KMT2C: variants seen among roughly 807,000 people sequenced by gnomAD.
The protein encoded by KMT2C is lysine methyltransferase 2C, also known as histone-lysine N-methyltransferase 2C.
Under a neutral mutation model 507.9 loss-of-function variants are expected in KMT2C, and 88 were observed. The ratio of observed to expected loss-of-function variants is 0.17; its 90% CI spans 0.15 to 0.21. KMT2C has a LOEUF of 0.21. Ranked by LOEUF, KMT2C falls within the 10% of genes least tolerant of loss-of-function variation. The pLI is 1.00. For synonymous variants in KMT2C, 2,049 were observed against 2,080.8 expected (o/e 0.98, Z 0.42); for missense variants, 4,954 against 5,957.8 (o/e 0.83, Z 5.55).
chr7:152,161,391 T>C (rs1469370511), intron 43 of KMT2C, among the ~76,000 whole-genome samples: 3 of 152,314 alleles, frequency 2.0e-5, no homozygotes, highest in East Asian at 3.9e-4. Flanking sequence ...GCTTTATGAA[T>C]GCACTGGTAA....
chr7:152,259,798 G>A (rs1278442076), intron 9 of KMT2C, among the ~76,000 whole-genome samples: 1 of 152,192 alleles, frequency 6.6e-6, no homozygotes, highest in African/African-American at 2.4e-5. Flanking sequence ...ACACTGATTT[G>A]TCCCAACATC....
chr7:152,336,191 T>C (rs936673802), intron 2 of KMT2C, among the ~76,000 whole-genome samples: 21 of 152,184 alleles, frequency 1.4e-4, no homozygotes, highest in Admixed American at 3.9e-4. Flanking sequence ...CAGTAATTCC[T>C]GCCACAAAAT....
intron 41 of KMT2C, 124 bp from the exon 42 acceptor site, chr7:152,167,502 A>G: frequency 3.2e-6 from 2 of 620,700 alleles, no homozygotes; most frequent in Non-Finnish European, 5.6e-6. Context: ...TTGAAAACAC[A>G]ATACTAAATA....
intron 1 of KMT2C, among the ~76,000 whole-genome samples, chr7:152,413,135 G>A (rs77462980): frequency 6.6e-6 from 1 of 151,530 alleles, no homozygotes; most frequent in Non-Finnish European, 1.5e-5. Flanking sequence ...TTCTTTTTTC[G>A]GAGACAGGGT....
intron 3 of KMT2C, among the ~76,000 whole-genome samples, chr7:152,328,284 G>A (rs747858874): frequency 3.9e-5 from 6 of 152,188 alleles, no homozygotes; most frequent in Non-Finnish European, 8.8e-5. Context: ...GTGTTCTTTC[G>A]TTGATTCACA....
At chr7:152,183,264 A>G (rs2093493071) in intron 34 of KMT2C, 108 bp from the exon 35 acceptor site, 3 of 829,116 alleles carry the variant, frequency 3.6e-6, no homozygotes, top group South Asian at 2.0e-5. Flanking sequence ...AAGTCAGGTA[A>G]AATAGCTGAA....
At chr7:152,289,334 A>T (rs1403113332) in intron 6 of KMT2C, among the ~76,000 whole-genome samples, 1 of 152,222 alleles carries the variant, frequency 6.6e-6, no homozygotes, top group Non-Finnish European at 1.5e-5. Flanking sequence ...TATCATTGAG[A>T]ATATCACTGA....
chr7:152,242,312 C>T (rs1025453849), intron 14 of KMT2C, among the ~76,000 whole-genome samples: 4 of 152,102 alleles, frequency 2.6e-5, no homozygotes, highest in South Asian at 2.1e-4. Context: ...CATCAATAAA[C>T]AATGAACTAT....
intron 20 of KMT2C, among the ~76,000 whole-genome samples, chr7:152,223,518 GCA>G (rs2094837705): frequency 6.6e-6 from 1 of 152,096 alleles, no homozygotes; most frequent in African/African-American, 2.4e-5. Flanking sequence ...TCTTGGGCGG[GCA>G]CAGTGGCTCA....
intron 1 of KMT2C, among the ~76,000 whole-genome samples, chr7:152,364,105 T>A (rs947165772): frequency 1.3e-5 from 2 of 152,140 alleles, no homozygotes; most frequent in African/African-American, 4.8e-5. Context: ...TCTCAACTTA[T>A]CCTGAGAGTG....
intron 14 of KMT2C, among the ~76,000 whole-genome samples, chr7:152,246,010 GA>G (rs1342931408): frequency 6.6e-6 from 1 of 152,120 alleles, no homozygotes; most frequent in African/African-American, 2.4e-5. Context: ...GTATAATACA[GA>G]AATGCCTAAT....
intron 9 of KMT2C, among the ~76,000 whole-genome samples, chr7:152,258,273 A>G (rs1164753379): frequency 6.6e-6 from 1 of 152,196 alleles, no homozygotes; most frequent in Non-Finnish European, 1.5e-5. Context: ...CAAGTATGGG[A>G]CTATTTCAGC....
chr7:152,299,868 C>G (rs1744519119), intron 6 of KMT2C, among the ~76,000 whole-genome samples: 1 of 151,892 alleles, frequency 6.6e-6, no homozygotes, highest in African/African-American at 2.4e-5. Context: ...TACAAAGATG[C>G]AAACAGGTTA....
At chr7:152,204,612 T>C (rs1193408698) in intron 25 of KMT2C, among the ~76,000 whole-genome samples, 3 of 150,110 alleles carry the variant, frequency 2.0e-5, no homozygotes, top group South Asian at 2.2e-4. Flanking sequence ...GATAGATAGA[T>C]AGATAGATAG....
At chr7:152,395,636 T>C (rs1303305302) in intron 1 of KMT2C, among the ~76,000 whole-genome samples, 1 of 152,130 alleles carries the variant, frequency 6.6e-6, no homozygotes. Flanking sequence ...GCCTCCTGAG[T>C]AGCTGGGATT....
At chr7:152,389,352 C>CTAA (rs2097467574) in intron 1 of KMT2C, among the ~76,000 whole-genome samples, 1 of 77,676 alleles carries the variant, frequency 1.3e-5, no homozygotes, top group African/African-American at 4.2e-5. Flanking sequence ...GACTCCGTCT[C>CTAA]AAAAAAAAAA....
At chr7:152,259,671 T>C (rs1443687827) in intron 9 of KMT2C, among the ~76,000 whole-genome samples, 2 of 152,050 alleles carry the variant, frequency 1.3e-5, no homozygotes, top group African/African-American at 4.8e-5. Flanking sequence ...GAGATAAAAA[T>C]AGGAAAAAGA....
At chr7:152,287,562 A>T (rs2096324522) in intron 6 of KMT2C, among the ~76,000 whole-genome samples, 1 of 152,198 alleles carries the variant, frequency 6.6e-6, no homozygotes, top group Non-Finnish European at 1.5e-5. Flanking sequence ...TTCATAACAC[A>T]ACACTTAAAA....
At chr7:152,223,569 G>A (rs1286973005) in intron 20 of KMT2C, among the ~76,000 whole-genome samples, 3 of 151,948 alleles carry the variant, frequency 2.0e-5, no homozygotes, top group Non-Finnish European at 1.5e-5. Flanking sequence ...TGAGGCGGGC[G>A]GTCAAAAGAT....
Sources: allele counts gnomAD v4.1 joint callset (sites outside exome capture counted in the v4.1 genomes callset), GRCh38; gene constraint gnomAD v4.1.1; transcripts MANE v1.5; gene names NCBI Gene and HGNC (gene_info 2026-07-23, HGNC 2026-07-21).